KHDRBS2: variants seen among roughly 807,000 people sequenced by gnomAD.
KHDRBS2 encodes KH RNA binding domain containing, signal transduction associated 2, also known as KH domain-containing, RNA-binding, signal transduction-associated protein 2.
KHDRBS2 carries 26 observed loss-of-function variants against 44.3 expected under a neutral mutation model. The ratio of observed to expected loss-of-function variants is 0.59; its 90% CI spans 0.43 to 0.81. KHDRBS2 has a LOEUF of 0.81. KHDRBS2 is among the 40% of genes least tolerant of loss of function. KHDRBS2 has a pLI of 0.00. For synonymous variants in KHDRBS2, 194 were observed against 151.1 expected, an observed-to-expected ratio of 1.28 and a Z score of -2.08; for missense variants, 476 against 433.1, an observed-to-expected ratio of 1.10 and a Z score of -0.88.
At chr6:61,954,942 G>GTATACACATA (rs1766136855) in intron 4 of KHDRBS2, among the ~76,000 whole-genome samples, 1 of 68,306 alleles carries the variant, frequency 1.5e-5, no homozygotes, top group Non-Finnish European at 4.1e-5. Flanking sequence ...ACATATGTAT[G>GTATACACATA]TGTATACATA....
At chr6:62,102,554 C>G (rs961484470) in intron 2 of KHDRBS2, among the ~76,000 whole-genome samples, 1 of 152,202 alleles carries the variant, frequency 6.6e-6, no homozygotes, top group Non-Finnish European at 1.5e-5. Context: ...AGTGGGGTGG[C>G]AGGAAATGTG....
At chr6:61,799,678 T>A (rs973619879) in intron 6 of KHDRBS2, among the ~76,000 whole-genome samples, 2 of 152,002 alleles carry the variant, frequency 1.3e-5, no homozygotes, top group African/African-American at 2.4e-5. Context: ...TATATATATA[T>A]AATGTTATAT....
chr6:62,083,200 G>A (rs561931612), intron 2 of KHDRBS2, among the ~76,000 whole-genome samples: 2 of 152,170 alleles, frequency 1.3e-5, no homozygotes, highest in East Asian at 3.9e-4. Context: ...AGCAGAGAAG[G>A]AGAGAAGAGA....
At chr6:61,867,267 A>C (rs1797932149) in intron 6 of KHDRBS2, among the ~76,000 whole-genome samples, 1 of 152,232 alleles carries the variant, frequency 6.6e-6, no homozygotes, top group African/African-American at 2.4e-5. Context: ...CAGCAGGCAA[A>C]AAGAGAGAGC....
chr6:61,841,208 C>T (rs1793545535), intron 6 of KHDRBS2, among the ~76,000 whole-genome samples: 1 of 152,050 alleles, frequency 6.6e-6, no homozygotes. Context: ...TTTACTGCTA[C>T]TTAAATACTT....
chr6:62,260,289 C>T (rs1838128329), intron 1 of KHDRBS2, among the ~76,000 whole-genome samples: 1 of 151,916 alleles, frequency 6.6e-6, no homozygotes. Context: ...TATTAAGTGC[C>T]AGGTACCTTC....
intron 3 of KHDRBS2, among the ~76,000 whole-genome samples, chr6:62,019,979 T>A (rs1410641782): frequency 6.6e-6 from 1 of 151,850 alleles, no homozygotes; most frequent in African/African-American, 2.4e-5. Context: ...CTTAATTTGG[T>A]CTTCTTTTCC....
chr6:61,822,597 G>A (rs1790108996), intron 6 of KHDRBS2, among the ~76,000 whole-genome samples: 1 of 151,794 alleles, frequency 6.6e-6, no homozygotes. Flanking sequence ...ATGATTCTTA[G>A]GATGAAGTCT....
intron 2 of KHDRBS2, among the ~76,000 whole-genome samples, chr6:62,173,142 G>A (rs1269483085): frequency 6.6e-6 from 1 of 151,240 alleles, no homozygotes; most frequent in Non-Finnish European, 1.5e-5. Flanking sequence ...TTCGCGTCCA[G>A]GAGTTGGTTC....
At chr6:61,825,831 G>T (rs1339750921) in intron 6 of KHDRBS2, among the ~76,000 whole-genome samples, 1 of 152,006 alleles carries the variant, frequency 6.6e-6, no homozygotes, top group Non-Finnish European at 1.5e-5. Context: ...GGGATGATGA[G>T]AATAGAACCT....
the KHDRBS2 span, among the ~76,000 whole-genome samples, chr6:61,549,217 C>T: frequency 6.6e-6 from 1 of 151,846 alleles, no homozygotes; most frequent in Non-Finnish European, 1.5e-5. Flanking sequence ...GAAAAAAATA[C>T]AAAAATAACA....
At chr6:62,013,594 C>T (rs1395504215) in intron 3 of KHDRBS2, among the ~76,000 whole-genome samples, 5 of 151,934 alleles carry the variant, frequency 3.3e-5, no homozygotes, top group Admixed American at 6.6e-5. Context: ...ACTATTATTA[C>T]ATTATTATTA....
At chr6:61,868,945 T>C (rs1358916168) in intron 6 of KHDRBS2, among the ~76,000 whole-genome samples, 1 of 152,132 alleles carries the variant, frequency 6.6e-6, no homozygotes, top group Non-Finnish European at 1.5e-5. Context: ...CATAGCTCTG[T>C]ATGTTGGACC....
chr6:61,767,717 T>G (rs1321198303), intron 6 of KHDRBS2, among the ~76,000 whole-genome samples: 2 of 152,178 alleles, frequency 1.3e-5, no homozygotes, highest in African/African-American at 4.8e-5. Context: ...GATGACAACT[T>G]AACACTGATT....
intron 3 of KHDRBS2, among the ~76,000 whole-genome samples, chr6:61,999,569 C>A (rs1322726166): frequency 2.0e-5 from 3 of 151,886 alleles, no homozygotes; most frequent in Admixed American, 6.6e-5. Flanking sequence ...AGCTATGATC[C>A]TTCTTAAATT....
chr6:62,103,370 G>C (rs1562865639), intron 2 of KHDRBS2, among the ~76,000 whole-genome samples: 1 of 152,230 alleles, frequency 6.6e-6, no homozygotes, highest in Admixed American at 6.5e-5. Flanking sequence ...CCAAAGTCCA[G>C]AGGGCAGTGA....
chr6:61,599,084 C>T, the KHDRBS2 span, among the ~76,000 whole-genome samples: 28 of 151,918 alleles, frequency 1.8e-4, 1 homozygote, highest in Middle Eastern at 3.4e-3. Context: ...CAGGTGCCTG[C>T]CACCACGTCC....
the KHDRBS2 span, among the ~76,000 whole-genome samples, chr6:61,587,706 C>T: frequency 6.6e-6 from 1 of 152,086 alleles, no homozygotes; most frequent in Non-Finnish European, 1.5e-5. Flanking sequence ...GCTATAAGAA[C>T]AATGGATTGG....
the KHDRBS2 span, among the ~76,000 whole-genome samples, chr6:61,633,812 TCA>T: frequency 3.1e-5 from 3 of 95,894 alleles, no homozygotes; most frequent in African/African-American, 1.2e-4. Flanking sequence ...TTTATATTAC[TCA>T]AGTGTTGAAA....
Sources: allele counts gnomAD v4.1 joint callset (sites outside exome capture counted in the v4.1 genomes callset), GRCh38; gene constraint gnomAD v4.1.1; transcripts MANE v1.5; gene names NCBI Gene and HGNC (gene_info 2026-07-23, HGNC 2026-07-21).